The following SPOCK1 variants were observed in gnomAD, a reference collection of about 807,000 sequenced individuals.
SPOCK1 encodes testican-1.
Under a neutral mutation model 55.3 loss-of-function variants are expected in SPOCK1, and 23 were observed. The ratio of observed to expected loss-of-function variants is 0.42; its 90% CI spans 0.30 to 0.59. SPOCK1 has a LOEUF of 0.59. Ranked by LOEUF, SPOCK1 falls within the 20% of genes least tolerant of loss-of-function variation. The pLI is 0.22. For missense variants in SPOCK1, 499 were observed against 552.5 expected (o/e 0.90, Z 0.97); for synonymous variants, 226 against 221.0 (o/e 1.02, Z -0.20).
intron 2 of SPOCK1, among the ~76,000 whole-genome samples, chr5:137,442,080 C>G (rs530740572): frequency 6.6e-6 from 1 of 152,234 alleles, no homozygotes; most frequent in Non-Finnish European, 1.5e-5. Context: ...TGTTCACTTA[C>G]TGATGACATT....
intron 2 of SPOCK1, among the ~76,000 whole-genome samples, chr5:137,464,227 AG>A (rs1233998080): frequency 6.6e-6 from 1 of 152,140 alleles, no homozygotes; most frequent in Non-Finnish European, 1.5e-5. Flanking sequence ...ACTTGAGCCC[AG>A]GAGGTTGAGG....
At chr5:137,336,855 G>C (rs536239650) in intron 2 of SPOCK1, among the ~76,000 whole-genome samples, 1 of 152,250 alleles carries the variant, frequency 6.6e-6, no homozygotes, top group East Asian at 1.9e-4. Context: ...ATTTTTTTCA[G>C]GATTGGAGCC....
intron 2 of SPOCK1, among the ~76,000 whole-genome samples, chr5:137,304,393 T>C (rs541506617): frequency 6.6e-6 from 1 of 152,278 alleles, no homozygotes; most frequent in African/African-American, 2.4e-5. Flanking sequence ...CTGCTTTTCC[T>C]CTCAGGCTTC....
At chr5:137,158,739 G>A (rs1045121069) in intron 3 of SPOCK1, among the ~76,000 whole-genome samples, 10 of 152,016 alleles carry the variant, frequency 6.6e-5, no homozygotes, top group East Asian at 3.9e-4. Flanking sequence ...AAGGAGTCTC[G>A]GGGGCACCAT....
At chr5:137,421,429 A>T (rs1414560829) in intron 2 of SPOCK1, among the ~76,000 whole-genome samples, 2 of 152,032 alleles carry the variant, frequency 1.3e-5, no homozygotes, top group African/African-American at 4.8e-5. Context: ...TGTGCGGGAG[A>T]CTAAGTCTCT....
intron 2 of SPOCK1, among the ~76,000 whole-genome samples, chr5:137,319,807 C>T (rs558452685): frequency 6.6e-6 from 1 of 151,724 alleles, no homozygotes; most frequent in South Asian, 2.1e-4. Context: ...TAGCCAGGCG[C>T]GGTGGCGGGC....
chr5:137,480,400 A>G (rs1279861596), intron 2 of SPOCK1, among the ~76,000 whole-genome samples: 1 of 152,074 alleles, frequency 6.6e-6, no homozygotes, highest in East Asian at 1.9e-4. Context: ...TTGCCCCAAG[A>G]CAATCAGTTC....
chr5:137,421,683 A>G (rs994143372), intron 2 of SPOCK1, among the ~76,000 whole-genome samples: 1 of 152,124 alleles, frequency 6.6e-6, no homozygotes, highest in African/African-American at 2.4e-5. Context: ...TTTTGAGCCT[A>G]TGTGTGTCTC....
chr5:137,078,312 T>C (rs1391971482), intron 5 of SPOCK1, among the ~76,000 whole-genome samples: 1 of 152,212 alleles, frequency 6.6e-6, no homozygotes, highest in African/African-American at 2.4e-5. Context: ...TCGAGATGCC[T>C]GTCTCTCCAG....
chr5:137,131,971 CAAAA>C (rs1156253291), intron 4 of SPOCK1, among the ~76,000 whole-genome samples: 3 of 12,728 alleles, frequency 2.4e-4, no homozygotes, highest in Non-Finnish European at 3.7e-4. Flanking sequence ...GACTCCGTCT[CAAAA>C]AAAAAAAAAA....
chr5:137,089,004 C>T (rs1008462888), intron 5 of SPOCK1, among the ~76,000 whole-genome samples: 8 of 152,110 alleles, frequency 5.3e-5, no homozygotes, highest in Admixed American at 2.0e-4. Context: ...GAAGCATAGT[C>T]AACATGCCGA....
At chr5:137,178,440 G>A (rs946228699) in intron 3 of SPOCK1, among the ~76,000 whole-genome samples, 3 of 152,326 alleles carry the variant, frequency 2.0e-5, no homozygotes, top group South Asian at 2.1e-4. Flanking sequence ...CCGGGCATGC[G>A]ATTGCAATCC....
At position 137,061,594 on chromosome 5, in the gene SPOCK1, A is replaced by C. The variant is rs371597232; in HGVS notation, c.589+6121T>G. On this transcript the variant is annotated intron_variant, in intron 6 of 10. Coordinates refer to ENST00000394945, the MANE Select transcript of SPOCK1 (RefSeq NM_004598.4). ...CCATCCTGCTCCTACCTCCCAGCTCATGTCAGGCCAGGAAGTGGGTAACAG... is the reference window on the plus strand; with the variant it reads ...CCATCCTGCTCCTACCTCCCAGCTCCTGTCAGGCCAGGAAGTGGGTAACAG... 9.9e-5 allele frequency among the ~76,000 whole-genome samples: 15 copies of C among 152,074 alleles called. 1 individual carries two copies. The highest frequency in any genetic ancestry group is 3.4e-4 in the African/African-American group (14 of 41,402).
At chr5:137,115,801 G>A (rs1167373622) in intron 4 of SPOCK1, among the ~76,000 whole-genome samples, 1 of 152,160 alleles carries the variant, frequency 6.6e-6, no homozygotes, top group Non-Finnish European at 1.5e-5. Flanking sequence ...ACAAGTATAT[G>A]TGAGCCCAGG....
chr5:137,454,388 C>A (rs1753321449), intron 2 of SPOCK1, among the ~76,000 whole-genome samples: 1 of 152,164 alleles, frequency 6.6e-6, no homozygotes, highest in Non-Finnish European at 1.5e-5. Context: ...TGAGCTCCTG[C>A]TTAAGGTGGC....
chr5:137,320,669 T>G (rs1226616470), intron 2 of SPOCK1, among the ~76,000 whole-genome samples: 1 of 151,964 alleles, frequency 6.6e-6, no homozygotes, highest in Non-Finnish European at 1.5e-5. Flanking sequence ...GACCAGCAAA[T>G]CTCTCTAAAT....
intron 2 of SPOCK1, among the ~76,000 whole-genome samples, chr5:137,280,083 C>A (rs1013197088): frequency 7.9e-5 from 12 of 152,204 alleles, no homozygotes; most frequent in African/African-American, 2.4e-4. Context: ...CTGGCTCTCA[C>A]TCGGCCTTTG....
At chr5:137,134,891 G>T in intron 4 of SPOCK1, among the ~76,000 whole-genome samples, 1 of 152,318 alleles carries the variant, frequency 6.6e-6, no homozygotes, top group South Asian at 2.1e-4. Context: ...TTTTTCTCAA[G>T]TTCACATAAA....
At position 137,121,102 on chromosome 5, in the gene SPOCK1, C is replaced by T. The variant is rs1335907528; in HGVS notation, c.348-8541G>A. Among the ~76,000 whole-genome samples, 6 of 152,248 alleles carry T rather than the reference C, an allele frequency of 3.9e-5. No individual in the cohort carries two copies. The East Asian group carries it at 1.2e-3, about 29-fold the overall frequency. ...CTACAGTCTTTACTTTTTCAACAAA[C>T]ACTTATTAATTACCTAGAATGAGCC... is the stretch of plus-strand genomic sequence containing the variant. On this transcript the variant is annotated intron_variant, in intron 4 of 10. Coordinates refer to ENST00000394945, the MANE Select transcript of SPOCK1 (RefSeq NM_004598.4).
Sources: gnomAD v4.1 joint callset for allele counts (sites outside exome capture counted in the v4.1 genomes callset) on GRCh38, gnomAD v4.1.1 for gene constraint, MANE v1.5 for transcripts, NCBI Gene and HGNC (gene_info 2026-07-23, HGNC 2026-07-21) for gene names.